PTPRR: variants seen among roughly 807,000 people sequenced by gnomAD.
PTPRR encodes the protein receptor-type tyrosine-protein phosphatase R.
A neutral mutation model predicts 77.2 loss-of-function variants in PTPRR; 38 were observed. The observed-to-expected ratio is 0.49, with a 90% confidence interval of 0.38 to 0.65. The LOEUF (loss-of-function observed/expected upper bound fraction) is 0.65, where lower values mean the gene tolerates loss of function less well. PTPRR is among the 30% of genes least tolerant of loss of function. The pLI, the probability that PTPRR is intolerant of heterozygous loss-of-function variation, is 0.00. For missense variants in PTPRR, 744 were observed against 799.2 expected (o/e 0.93, Z 0.83); for synonymous variants, 299 against 283.1 (o/e 1.06, Z -0.57).
intron 1 of PTPRR, among the ~76,000 whole-genome samples, chr12:70,911,750 G>GAAAAAAA (rs35226592): frequency 5.7e-5 from 6 of 105,808 alleles, no homozygotes; most frequent in African/African-American, 1.4e-4. Context: ...AGGCTCAACT[G>GAAAAAAA]AAAAAAAAAA....
chr12:70,727,333 A>C (rs1445986863), intron 6 of PTPRR, among the ~76,000 whole-genome samples: 1 of 152,138 alleles, frequency 6.6e-6, no homozygotes, highest in Non-Finnish European at 1.5e-5. Flanking sequence ...GGGAAACTAT[A>C]GTAGTTTCCA....
Position 70,865,241 on chromosome 12 carries a change from T to A in PTPRR, c.357+27438A>T, listed in dbSNP as rs781480380. On this transcript the variant is annotated intron_variant, in intron 2 of 13. Transcript: ENST00000283228. ...TGAGGCCTCCCCAGCTACGTGGAAC[T>A]GTGAGTCCATTAGACCTCTTTTTCT... 1.1e-3 allele frequency among the ~76,000 whole-genome samples: 112 copies of A among 104,114 alleles called. 1 individual carries two copies. In the Middle Eastern group the frequency reaches 0.017, roughly 15 times the overall value. The allele number at this position is 104,114 out of a possible 152,430, so 68.3% of individuals were successfully genotyped here.
intron 2 of PTPRR, among the ~76,000 whole-genome samples, chr12:70,831,531 A>C (rs558386062): frequency 1.3e-5 from 2 of 152,312 alleles, no homozygotes; most frequent in Non-Finnish European, 2.9e-5. Context: ...TCAGGGGTCC[A>C]ACCCATCTAA....
intron 6 of PTPRR, among the ~76,000 whole-genome samples, chr12:70,721,556 TTC>T (rs1889253420): frequency 6.6e-6 from 1 of 152,106 alleles, no homozygotes; most frequent in African/African-American, 2.4e-5. Flanking sequence ...TTTGGCAGGA[TTC>T]TGTTTGGGTT....
chr12:70,666,602 C>G (rs943845996), intron 10 of PTPRR, among the ~76,000 whole-genome samples: 1 of 152,058 alleles, frequency 6.6e-6, no homozygotes, highest in African/African-American at 2.4e-5. Flanking sequence ...GTAAAGAAAA[C>G]TACAGTCAAA....
rs188325781 is a variant in PTPRR at position 70,891,620 on chromosome 12, G to T, written c.357+1059C>A. Among the ~76,000 whole-genome samples the T allele has an allele frequency of 1.6e-3, 239 of 152,162 alleles. 3 individuals carry two copies. Among genetic ancestry groups the T allele is most frequent in the African/African-American group, 5.6e-3 (231 of 41,542 alleles). ...TCTGGACATTTTCCAAGCAAAACAA[G>T]AGACTGTATTTCATTTGTCTCTGTT... On this transcript the variant is annotated intron_variant, in intron 2 of 13. Coordinates refer to ENST00000283228, the MANE Select transcript of PTPRR (RefSeq NM_002849.4).
intron 13 of PTPRR, among the ~76,000 whole-genome samples, chr12:70,648,303 ATTG>A (rs1349801366): frequency 6.6e-6 from 1 of 152,140 alleles, no homozygotes; most frequent in Non-Finnish European, 1.5e-5. Context: ...CGGCTATCCC[ATTG>A]TTCTCCACAT....
rs1476198846 is a variant in PTPRR, at chr12:70,656,853, GA to G, written c.1767-37del. 3.6e-6 allele frequency: 5 copies of G among 1,374,314 alleles called. No homozygotes were observed. In the East Asian group the frequency reaches 1.1e-4, roughly 31 times the overall value. The allele number at this position is 1,374,314 out of a possible 1,614,324, so 85.1% of individuals were successfully genotyped here. The stretch of plus-strand genomic sequence containing the variant: ...AAGAAAAGAAATTTAAAAAGTGGGG[GA>G]AAATGACAAAGATAAGAAACATTCT... On this transcript the variant is annotated intron_variant, in intron 12 of 13. Transcript: ENST00000283228.
At chr12:70,837,623 G>A (rs149355181) in intron 2 of PTPRR, among the ~76,000 whole-genome samples, 1 of 152,212 alleles carries the variant, frequency 6.6e-6, no homozygotes, top group Non-Finnish European at 1.5e-5. Context: ...ATGGAAAGCA[G>A]TGCTGAGGTT....
intron 2 of PTPRR, among the ~76,000 whole-genome samples, chr12:70,799,951 A>C (rs1891584140): frequency 6.6e-6 from 1 of 152,168 alleles, no homozygotes; most frequent in South Asian, 2.1e-4. Flanking sequence ...TTCAGAAGCC[A>C]ATAGTCACAA....
At position 70,715,168 on chromosome 12, in the gene PTPRR, G is replaced by A. The variant is rs917858430; in HGVS notation, c.1008-13845C>T. ...AAAGAGAGAAATTTTAAAGCTGGGC[G>A]TCCGGGGGAGATATCACATGTCAGT... On this transcript the variant is annotated intron_variant, in intron 6 of 13. Coordinates refer to ENST00000283228, the MANE Select transcript of PTPRR (RefSeq NM_002849.4). 3.3e-5 allele frequency among the ~76,000 whole-genome samples: 5 copies of A among 152,048 alleles called. No individual in the cohort carries two copies. The South Asian group carries it at 6.2e-4, about 19-fold the overall frequency.
At chr12:70,687,983 T>C (rs1887929861) in intron 8 of PTPRR, among the ~76,000 whole-genome samples, 1 of 152,124 alleles carries the variant, frequency 6.6e-6, no homozygotes. Flanking sequence ...AGCACTTCAT[T>C]TTCCCCCAAA....
chr12:70,826,161 C>A (rs1892105063), intron 2 of PTPRR, among the ~76,000 whole-genome samples: 5 of 152,026 alleles, frequency 3.3e-5, no homozygotes, highest in Admixed American at 3.3e-4. Context: ...GGTAGGAAAG[C>A]AAGAGAAATA....
In PTPRR at chr12:70,892,660, A is replaced by T; in HGVS notation, c.357+19T>A. ...AAGAATCAACATCAGCCTCAGCATC[A>T]GTTTAACATACTACTTACCACCACA... On this transcript the variant is annotated intron_variant, in intron 2 of 13. Coordinates refer to ENST00000283228, the MANE Select transcript of PTPRR (RefSeq NM_002849.4). 1.2e-6 allele frequency: 2 copies of T among 1,607,080 alleles called. No homozygotes were observed. Among genetic ancestry groups the T allele is most frequent in the Non-Finnish European group, 1.7e-6 (2 of 1,174,602 alleles).
chr12:70,788,724 G>C (rs1304449367), intron 2 of PTPRR: 2 of 879,592 alleles, frequency 2.3e-6, no homozygotes, highest in African/African-American at 1.7e-5. Context: ...ACATTTACAT[G>C]AACAGATATA....
intron 2 of PTPRR, among the ~76,000 whole-genome samples, chr12:70,798,846 G>C (rs1188553959): frequency 7.0e-6 from 1 of 143,176 alleles, no homozygotes; most frequent in Non-Finnish European, 1.5e-5. Flanking sequence ...GGGCTTATTT[G>C]TTGTCTCAAT....
At chr12:70,647,129 T>C (rs1321634398) in intron 13 of PTPRR, among the ~76,000 whole-genome samples, 1 of 152,034 alleles carries the variant, frequency 6.6e-6, no homozygotes, top group Non-Finnish European at 1.5e-5. Context: ...ATTCCATCCT[T>C]GACTCTTAAA....
At chr12:70,750,230 A>G (rs1183359753) in intron 5 of PTPRR, among the ~76,000 whole-genome samples, 1 of 152,168 alleles carries the variant, frequency 6.6e-6, no homozygotes, top group Non-Finnish European at 1.5e-5. Flanking sequence ...TTGTTGTTAC[A>G]TAGCACATAC....
At chr12:70,737,868 T>C (rs1889924047) in intron 6 of PTPRR, among the ~76,000 whole-genome samples, 1 of 152,190 alleles carries the variant, frequency 6.6e-6, no homozygotes, top group Non-Finnish European at 1.5e-5. Context: ...CACTTTATGC[T>C]CTGATATGCA....
Sources: gnomAD v4.1 joint callset for allele counts (sites outside exome capture counted in the v4.1 genomes callset) on GRCh38, gnomAD v4.1.1 for gene constraint, MANE v1.5 for transcripts, NCBI Gene and HGNC (gene_info 2026-07-23, HGNC 2026-07-21) for gene names.